The following FHOD3 variants were observed in gnomAD, a reference collection of about 807,000 sequenced individuals.
FHOD3 encodes the protein FH1/FH2 domain-containing protein 3.
FHOD3 carries 90 observed loss-of-function variants against 173.0 expected under a neutral mutation model. That is an observed-to-expected ratio of 0.52 (90% CI 0.44 to 0.62). FHOD3 has a LOEUF of 0.62. Among genes scored for constraint, FHOD3 ranks in the 20% least tolerant of loss-of-function variants. The pLI, the probability that FHOD3 is intolerant of heterozygous loss-of-function variation, is 0.00. For missense variants in FHOD3, 1,945 were observed against 2,034.7 expected (o/e 0.96, Z 0.85); for synonymous variants, 828 against 823.0 (o/e 1.01, Z -0.10).
intron 14 of FHOD3, among the ~76,000 whole-genome samples, chr18:36,670,676 C>CT (rs1157523751): frequency 6.6e-6 from 1 of 152,156 alleles, no homozygotes; most frequent in Non-Finnish European, 1.5e-5. Flanking sequence ...AAATAATTTA[C>CT]TTTTTTTCTT....
At chr18:36,505,529 G>C (rs2146148567) in intron 4 of FHOD3, among the ~76,000 whole-genome samples, 1 of 152,318 alleles carries the variant, frequency 6.6e-6, no homozygotes, top group East Asian at 1.9e-4. Flanking sequence ...ATGGTATGCT[G>C]ATCATTAAAC....
chr18:36,379,728 G>T (rs2047639116), intron 3 of FHOD3, among the ~76,000 whole-genome samples: 1 of 152,196 alleles, frequency 6.6e-6, no homozygotes, highest in South Asian at 2.1e-4. Flanking sequence ...GTTTTGACTA[G>T]AGTGTCTGCA....
chr18:36,445,809 TTGCAGCGAGGCTCCCTCGC>T (rs1426502245), intron 3 of FHOD3, among the ~76,000 whole-genome samples: 1 of 152,206 alleles, frequency 6.6e-6, no homozygotes, highest in Non-Finnish European at 1.5e-5. Context: ...GTCCAGGTAG[TTGCAGCGAGGCTCCCTCGC>T]TGCGGTCAGC....
intron 3 of FHOD3, among the ~76,000 whole-genome samples, chr18:36,387,264 T>C (rs1598926214): frequency 6.6e-6 from 1 of 152,132 alleles, no homozygotes; most frequent in Non-Finnish European, 1.5e-5. Context: ...ATTTGGGACA[T>C]GACACTTTTG....
intron 10 of FHOD3, among the ~76,000 whole-genome samples, chr18:36,639,233 C>G (rs1012303645): frequency 6.6e-6 from 1 of 152,198 alleles, no homozygotes; most frequent in African/African-American, 2.4e-5. Flanking sequence ...CTGTCAACTT[C>G]TGAGGGACAT....
chr18:36,696,809 C>T (rs951899375), intron 17 of FHOD3, among the ~76,000 whole-genome samples: 15 of 152,310 alleles, frequency 9.8e-5, no homozygotes, highest in Admixed American at 2.6e-4. Context: ...GACATACACA[C>T]GCTCCTGTTT....
At chr18:36,637,480 T>G (rs2034971975) in intron 10 of FHOD3, among the ~76,000 whole-genome samples, 1 of 152,164 alleles carries the variant, frequency 6.6e-6, no homozygotes, top group Admixed American at 6.5e-5. Context: ...GGTCTTGAAC[T>G]CTTGACCTCA....
At chr18:36,609,745 G>A (rs2032474080) in intron 8 of FHOD3, among the ~76,000 whole-genome samples, 1 of 151,954 alleles carries the variant, frequency 6.6e-6, no homozygotes, top group Non-Finnish European at 1.5e-5. Flanking sequence ...AAGTAGCTGG[G>A]ATTACAAGCA....
intron 14 of FHOD3, among the ~76,000 whole-genome samples, chr18:36,675,549 C>T (rs975539482): frequency 6.6e-6 from 1 of 152,150 alleles, no homozygotes; most frequent in African/African-American, 2.4e-5. Flanking sequence ...CCTCCTATGC[C>T]ACTGGATAGC....
chr18:36,349,805 C>T (rs554291675), intron 1 of FHOD3, among the ~76,000 whole-genome samples: 1 of 152,224 alleles, frequency 6.6e-6, no homozygotes, highest in East Asian at 1.9e-4. Flanking sequence ...ATGACAGTCT[C>T]ACTCTGTTGG....
intron 5 of FHOD3, among the ~76,000 whole-genome samples, chr18:36,525,123 G>A (rs1242127598): frequency 2.6e-5 from 4 of 152,120 alleles, no homozygotes; most frequent in Non-Finnish European, 5.9e-5. Flanking sequence ...TATAACGGAT[G>A]TGTAAATATT....
intron 3 of FHOD3, among the ~76,000 whole-genome samples, chr18:36,430,411 T>C (rs1426721776): frequency 6.6e-6 from 1 of 152,180 alleles, no homozygotes; most frequent in East Asian, 1.9e-4. Context: ...AGATGGGGTT[T>C]CTCCATGTTG....
intron 27 of FHOD3, among the ~76,000 whole-genome samples, chr18:36,761,432 G>C (rs56390219): frequency 0.026 from 3,952 of 152,220 alleles, 155 homozygotes; most frequent in African/African-American, 0.09. Context: ...ACCCTCCTGG[G>C]TTTCTTCACT....
At chr18:36,462,517 G>A (rs1340058043) in intron 3 of FHOD3, among the ~76,000 whole-genome samples, 1 of 152,056 alleles carries the variant, frequency 6.6e-6, no homozygotes, top group Non-Finnish European at 1.5e-5. Context: ...GTTTTTAGTA[G>A]AGATGGGGTT....
intron 3 of FHOD3, among the ~76,000 whole-genome samples, chr18:36,396,633 T>C (rs2048566087): frequency 6.6e-6 from 1 of 152,190 alleles, no homozygotes; most frequent in East Asian, 1.9e-4. Context: ...GTATCTCTTA[T>C]TTTGAAAAGG....
intron 1 of FHOD3, among the ~76,000 whole-genome samples, chr18:36,347,139 G>A (rs1352081173): frequency 6.6e-6 from 1 of 152,148 alleles, no homozygotes; most frequent in African/African-American, 2.4e-5. Flanking sequence ...ACAAGCCAGT[G>A]ATAATAATAA....
At chr18:36,309,674 C>T (rs1272460221) in intron 1 of FHOD3, among the ~76,000 whole-genome samples, 2 of 152,216 alleles carry the variant, frequency 1.3e-5, no homozygotes, top group Non-Finnish European at 2.9e-5. Flanking sequence ...CCTGCTGCTC[C>T]TCCATCCAAC....
At chr18:36,474,986 TACACACACACACACACACACACACACAC>T (rs3056805) in intron 3 of FHOD3, among the ~76,000 whole-genome samples, 2 of 108,112 alleles carry the variant, frequency 1.8e-5, no homozygotes, top group South Asian at 3.4e-4. Context: ...AATACACACA[TACACACACACACACACACACACACACAC>T]ACACACACAC....
chr18:36,699,721 T>G (rs2039475695), intron 17 of FHOD3, among the ~76,000 whole-genome samples: 1 of 152,312 alleles, frequency 6.6e-6, no homozygotes, highest in Admixed American at 6.5e-5. Flanking sequence ...ACCTGCAGTA[T>G]GGCAAGACAC....
Sources: allele counts gnomAD v4.1 joint callset (sites outside exome capture counted in the v4.1 genomes callset), GRCh38; gene constraint gnomAD v4.1.1; transcripts MANE v1.5; gene names NCBI Gene and HGNC (gene_info 2026-07-23, HGNC 2026-07-21).